The following HIVEP1 variants were observed in gnomAD, a reference collection of about 807,000 sequenced individuals.
The protein encoded by HIVEP1 is HIVEP zinc finger 1, also known as zinc finger protein 40.
In HIVEP1, 36 loss-of-function variants were observed where a neutral mutation model predicts 180.0. The observed-to-expected ratio is 0.20, with a 90% CI of 0.15 to 0.26. The LOEUF (loss-of-function observed/expected upper bound fraction) is 0.26, where lower values mean the gene tolerates loss of function less well. Among genes scored for constraint, HIVEP1 ranks in the 10% least tolerant of loss-of-function variants. The pLI is 1.00. For missense variants in HIVEP1, 3,143 were observed against 3,268.7 expected (o/e 0.96, Z 0.94); for synonymous variants, 1,239 against 1,239.0 (o/e 1.00, Z 0.00).
chr6:12,089,038 A>G, intron 2 of HIVEP1, 146 bp from the exon 3 acceptor site: 1 of 481,876 alleles, frequency 2.1e-6, no homozygotes, highest in Non-Finnish European at 3.8e-6. Flanking sequence ...TATATCCTTC[A>G]ACAGTTTATA....
At chr6:12,185,767 G>T in the HIVEP1 span, among the ~76,000 whole-genome samples, 149 of 152,214 alleles carry the variant, frequency 9.8e-4, no homozygotes, top group Admixed American at 7.2e-4. Context: ...ACCCATTGGA[G>T]TGGCTGTAAT....
intron 2 of HIVEP1, among the ~76,000 whole-genome samples, chr6:12,081,916 A>G (rs754510350): frequency 6.6e-6 from 1 of 152,124 alleles, no homozygotes; most frequent in Non-Finnish European, 1.5e-5. Flanking sequence ...GCTTCGGGAA[A>G]CACCACCAGT....
At chr6:12,092,320 A>G (rs889568636) in intron 3 of HIVEP1, among the ~76,000 whole-genome samples, 1 of 152,214 alleles carries the variant, frequency 6.6e-6, no homozygotes, top group African/African-American at 2.4e-5. Flanking sequence ...AAATGAAACC[A>G]TATTGTACGT....
chr6:12,090,658 C>T (rs1417576382), intron 3 of HIVEP1, among the ~76,000 whole-genome samples: 2 of 149,828 alleles, frequency 1.3e-5, no homozygotes. Context: ...GGTTGACTGA[C>T]TTAAACGCAT....
At chr6:12,048,750 A>G (rs549006569) in intron 2 of HIVEP1, among the ~76,000 whole-genome samples, 2 of 152,254 alleles carry the variant, frequency 1.3e-5, no homozygotes, top group Non-Finnish European at 2.9e-5. Flanking sequence ...AAACTGAGAT[A>G]CAGGCTTGTT....
chr6:12,071,087 C>T (rs1043363491), intron 2 of HIVEP1, among the ~76,000 whole-genome samples: 3 of 152,226 alleles, frequency 2.0e-5, no homozygotes, highest in Non-Finnish European at 2.9e-5. Flanking sequence ...AAGCATCTCT[C>T]TTGGAATAAG....
chr6:12,167,647 A>ATTT (rs1562023646), downstream of HIVEP1, among the ~76,000 whole-genome samples: 1 of 95,264 alleles, frequency 1.0e-5, no homozygotes, highest in African/African-American at 5.3e-5. Context: ...ATACATATAC[A>ATTT]TATATATGTT....
intron 2 of HIVEP1, among the ~76,000 whole-genome samples, chr6:12,059,151 AC>A (rs1313756758): frequency 5.3e-5 from 8 of 152,018 alleles, no homozygotes; most frequent in Non-Finnish European, 8.8e-5. Context: ...TTATTATTAG[AC>A]CATCACATGT....
intron 2 of HIVEP1, among the ~76,000 whole-genome samples, chr6:12,044,743 A>G (rs9470844): frequency 0.8 from 118,666 of 148,746 alleles, 46,702 homozygotes; most frequent in Middle Eastern, 0.94. Context: ...ACAGCTGAGG[A>G]CTTGCTGTCC....
chr6:12,111,014 C>T (rs1237018961), intron 3 of HIVEP1, among the ~76,000 whole-genome samples: 3 of 152,084 alleles, frequency 2.0e-5, no homozygotes, highest in Non-Finnish European at 4.4e-5. Flanking sequence ...GGCAGAGAGA[C>T]GGGAATGGCC....
the HIVEP1 span, among the ~76,000 whole-genome samples, chr6:12,177,001 A>C: frequency 6.6e-6 from 1 of 152,254 alleles, no homozygotes; most frequent in Non-Finnish European, 1.5e-5. Context: ...GAACGAGATC[A>C]TATCTTCTGC....
At position 12,060,072 on chromosome 6, in the gene HIVEP1, A is replaced by G. The variant is rs75433079; in HGVS notation, c.41-29112A>G. Among the ~76,000 whole-genome samples, 63 of 152,292 alleles carry G rather than the reference A, an allele frequency of 4.1e-4. 1 individual carries two copies. In the East Asian group the frequency reaches 0.012, roughly 29 times the overall value. The stretch of plus-strand genomic sequence containing the variant: ...AGAATATTAAACCCACCACGTTTAT[A>G]TTGTTCACCAGTAGTATCTTGTTCC... On this transcript the variant is annotated intron_variant, in intron 2 of 8. Transcript: ENST00000379388.
At chr6:12,170,428 C>T in the HIVEP1 span, among the ~76,000 whole-genome samples, 70 of 152,134 alleles carry the variant, frequency 4.6e-4, no homozygotes, top group African/African-American at 1.5e-3. Context: ...TTTATCCCTA[C>T]GGCGTGCCAT....
chr6:12,061,603 G>A (rs1394781018), intron 2 of HIVEP1, among the ~76,000 whole-genome samples: 80 of 152,234 alleles, frequency 5.3e-4, no homozygotes, highest in African/African-American at 1.9e-3. Context: ...GATGAATTTT[G>A]AGAATTTTGA....
chr6:12,057,717 T>C (rs1770969212), intron 2 of HIVEP1, among the ~76,000 whole-genome samples: 1 of 152,214 alleles, frequency 6.6e-6, no homozygotes, highest in Admixed American at 6.5e-5. Context: ...TCAGGATTGG[T>C]TAAGAGGCTT....
chr6:12,196,581 G>A, the HIVEP1 span, among the ~76,000 whole-genome samples: 1 of 152,134 alleles, frequency 6.6e-6, no homozygotes, highest in Non-Finnish European at 1.5e-5. Context: ...AATTCCATTA[G>A]GGTGATGTGA....
intron 2 of HIVEP1, among the ~76,000 whole-genome samples, chr6:12,016,022 T>C (rs1767716481): frequency 8.5e-6 from 1 of 117,930 alleles, no homozygotes; most frequent in Non-Finnish European, 2.2e-5. Context: ...AAGAATTTTA[T>C]GTTTTTTTTT....
chr6:12,190,288 G>A, the HIVEP1 span, among the ~76,000 whole-genome samples: 30 of 152,274 alleles, frequency 2.0e-4, no homozygotes, highest in African/African-American at 7.2e-4. Flanking sequence ...AATGTTCAAA[G>A]TTGAATAAGC....
rs374367492 is a variant in HIVEP1, at chr6:12,018,214, C to T, written c.40+2546C>T. On this transcript the variant is annotated intron_variant, in intron 2 of 8. Coordinates refer to ENST00000379388, the MANE Select transcript of HIVEP1 (RefSeq NM_002114.4). ...CTGCCAAGCCCACGCCAACTGGGAA[C>T]TCTAGCTGGCCTACAAGCGCCACGC... Among the ~76,000 whole-genome samples the T allele has an allele frequency of 7.2e-5, 11 of 152,366 alleles. No individual in the cohort carries two copies. The East Asian group carries it at 1.5e-3, about 21-fold the overall frequency.
Sources: allele counts gnomAD v4.1 joint callset (sites outside exome capture counted in the v4.1 genomes callset), GRCh38; gene constraint gnomAD v4.1.1; transcripts MANE v1.5; gene names NCBI Gene and HGNC (gene_info 2026-07-23, HGNC 2026-07-21).